Variants in PDZD2 observed in about 807,000 individuals in gnomAD.
PDZD2 encodes the protein PDZ domain containing 2, also known as PDZ domain-containing protein 2.
PDZD2 carries 90 observed loss-of-function variants against 220.7 expected under a neutral mutation model. The observed-to-expected ratio is 0.41, with a 90% CI of 0.34 to 0.49. The LOEUF (loss-of-function observed/expected upper bound fraction) is 0.49, where lower values mean the gene tolerates loss of function less well. Ranked by LOEUF, PDZD2 falls within the 20% of genes least tolerant of loss-of-function variation. The pLI, the probability that PDZD2 is intolerant of heterozygous loss-of-function variation, is 0.28. For synonymous variants in PDZD2, 1,375 were observed against 1,450.5 expected (o/e 0.95, Z 1.18); for missense variants, 3,174 against 3,608.5 (o/e 0.88, Z 3.08).
At chr5:32,025,435 G>A (rs1285297552) in intron 6 of PDZD2, among the ~76,000 whole-genome samples, 1 of 151,564 alleles carries the variant, frequency 6.6e-6, no homozygotes, top group Non-Finnish European at 1.5e-5. Context: ...TGAGGCAGGA[G>A]AATCACTTGA....
At position 32,057,964 on chromosome 5, in the gene PDZD2, G is replaced by C; in HGVS notation, c.2061G>C (p.Met687Ile). Residue 687 changes from methionine to isoleucine, a missense_variant, in exon 12 of 25, where the codon ATG becomes ATC. Met to Ile is a conservative substitution (Grantham distance 10). This residue lies in a region of PDZD2 where 1,861 missense variants were observed against 2,001.0 expected (regional missense o/e 0.93). Coordinates refer to ENST00000438447, the MANE Select transcript of PDZD2 (RefSeq NM_178140.4). The part of the protein sequence containing the change: ...SLTPCSTPTH[M>I]SRSASPNFNT... Reference sequence around the variant, plus strand: ...CACCCTGCTCGACACCCACACACATGAGCAGATCCGCCTCCCCGAACTTCA... The same window carrying C: ...CACCCTGCTCGACACCCACACACATCAGCAGATCCGCCTCCCCGAACTTCA... The C allele has an allele frequency of 6.2e-7, 1 of 1,613,952 alleles. No individual in the cohort carries two copies.
At chr5:32,002,698 A>C (rs866744775) in intron 5 of PDZD2, among the ~76,000 whole-genome samples, 1 of 123,090 alleles carries the variant, frequency 8.1e-6, no homozygotes. Context: ...CACCACACAC[A>C]CCACCAACAC....
intron 7 of PDZD2, 126 bp from the exon 8 acceptor site, chr5:32,048,413 G>A: frequency 1.4e-6 from 1 of 718,320 alleles, no homozygotes; most frequent in Non-Finnish European, 2.4e-6. Context: ...TGCTTTGAGT[G>A]TATTGGACGC....
At chr5:31,746,063 C>T (rs1750589328) in intron 1 of PDZD2, among the ~76,000 whole-genome samples, 1 of 151,952 alleles carries the variant, frequency 6.6e-6, no homozygotes, top group Admixed American at 6.6e-5. Context: ...AACTGTGGAG[C>T]TCTAGCTGGT....
rs573956644 is a variant in PDZD2 at position 31,733,978 on chromosome 5, T to G, written c.-360-64911T>G. Reference sequence around the variant, plus strand: ...TTAAGCGCACAGTCTCCCAAAGACTTTTCCCATTTCAGATACCAATATGAA... The same window carrying G: ...TTAAGCGCACAGTCTCCCAAAGACTGTTCCCATTTCAGATACCAATATGAA... On this transcript the variant is annotated intron_variant, in intron 1 of 24. Coordinates refer to ENST00000438447, the MANE Select transcript of PDZD2 (RefSeq NM_178140.4). 2.6e-5 allele frequency among the ~76,000 whole-genome samples: 4 copies of G among 152,318 alleles called. No individual in the cohort carries two copies. In the Middle Eastern group the frequency reaches 0.014, roughly 518 times the overall value.
chr5:31,969,776 A>G (rs1466308908), intron 2 of PDZD2, among the ~76,000 whole-genome samples: 4 of 152,126 alleles, frequency 2.6e-5, no homozygotes, highest in Non-Finnish European at 5.9e-5. Flanking sequence ...ATGCCTCAGT[A>G]AAGTCATCTT....
chr5:31,716,891 G>T (rs1748482297), intron 1 of PDZD2, among the ~76,000 whole-genome samples: 1 of 152,146 alleles, frequency 6.6e-6, no homozygotes, highest in South Asian at 2.1e-4. Flanking sequence ...TTAATACCTG[G>T]CCCTGGATGA....
At chr5:31,907,194 A>G (rs994782389) in intron 2 of PDZD2, among the ~76,000 whole-genome samples, 2 of 152,306 alleles carry the variant, frequency 1.3e-5, no homozygotes, top group African/African-American at 4.8e-5. Context: ...AATGATAGAC[A>G]TTTATTTTCT....
In PDZD2 at chr5:32,089,463, C is replaced by T. The variant is rs766718808; in HGVS notation, c.6015C>T (p.Val2005=). 2 of 1,613,854 alleles carry T rather than the reference C, an allele frequency of 1.2e-6. No homozygotes were observed. Among genetic ancestry groups the T allele is most frequent in the South Asian group, 2.2e-5 (2 of 91,088 alleles). ...QGMWSRFHMA[V]LSEPDRGCPT... Reference sequence around the variant, plus strand: ...TGTGGAGCAGGTTCCACATGGCTGTCCTCTCTGAACCCGACAGAGGTTGCC... The same window carrying T: ...TGTGGAGCAGGTTCCACATGGCTGTTCTCTCTGAACCCGACAGAGGTTGCC... The change falls in exon 20 of 25, where the codon GTC becomes GTT. Residue 2005 remains valine, a synonymous_variant. Transcript: ENST00000438447.
intron 1 of PDZD2, among the ~76,000 whole-genome samples, chr5:31,660,639 A>G (rs1467940715): frequency 6.6e-6 from 1 of 152,180 alleles, no homozygotes; most frequent in African/African-American, 2.4e-5. Flanking sequence ...CATGGGGGTA[A>G]CTGCTGCCAT....
At chr5:31,901,917 CAT>C (rs1390823214) in intron 2 of PDZD2, among the ~76,000 whole-genome samples, 2 of 152,216 alleles carry the variant, frequency 1.3e-5, no homozygotes, top group African/African-American at 4.8e-5. Context: ...TGTTCATACA[CAT>C]GTGACATCTG....
At chr5:32,060,270 ATGT>A (rs1739543371) in intron 13 of PDZD2, among the ~76,000 whole-genome samples, 2 of 152,206 alleles carry the variant, frequency 1.3e-5, no homozygotes, top group Non-Finnish European at 2.9e-5. Context: ...TCCCAAGATG[ATGT>A]TTCTTTCTTG....
Position 32,061,221 on chromosome 5 carries a change from G to C in PDZD2, c.2451+87G>C. The C allele has an allele frequency of 2.9e-6, 4 of 1,381,708 alleles. No homozygotes were observed. The South Asian group carries it at 5.0e-5, about 17-fold the overall frequency. 85.6% of individuals were successfully genotyped at this position (1,381,708 alleles called of 1,614,324 possible). A position where few individuals can be genotyped will look rare whatever the true frequency, so the allele number is the denominator to read the frequency against. ...ACTCTTTGGTGAGATGGTTTTCCCA[G>C]CTGGGGATAGGCAGGCAACCTACGG... On this transcript the variant is annotated intron_variant, in intron 14 of 24. Transcript: ENST00000438447.
chr5:32,049,477 GAGGGT>G (rs1738315074), intron 8 of PDZD2, among the ~76,000 whole-genome samples: 2 of 152,234 alleles, frequency 1.3e-5, no homozygotes, highest in Admixed American at 1.3e-4. Context: ...GAAAGCTGTA[GAGGGT>G]AGAGTTCTAA....
chr5:32,042,011 C>T (rs1202800916), intron 7 of PDZD2, among the ~76,000 whole-genome samples: 3 of 37,982 alleles, frequency 7.9e-5, no homozygotes, highest in South Asian at 1.5e-3. Context: ...GTCAGGAGAT[C>T]GAGACCATCC....
chr5:31,880,793 T>TTTTTTC (rs1554088332), intron 2 of PDZD2, among the ~76,000 whole-genome samples: 1,429 of 92,232 alleles, frequency 0.015, 17 homozygotes, highest in Non-Finnish European at 0.022. Flanking sequence ...TTTTTTTTCT[T>TTTTTTC]TTTTTTTTTT....
intron 7 of PDZD2, among the ~76,000 whole-genome samples, chr5:32,042,290 G>A (rs192202592): frequency 4.4e-4 from 66 of 151,492 alleles, no homozygotes; most frequent in African/African-American, 1.5e-3. Flanking sequence ...GGCCGGGCAT[G>A]GTGGCTCACG....
intron 2 of PDZD2, among the ~76,000 whole-genome samples, chr5:31,896,753 A>G (rs897026751): frequency 2.0e-5 from 3 of 152,236 alleles, no homozygotes; most frequent in African/African-American, 7.2e-5. Context: ...TGAGTTCAGG[A>G]GTTCGAGACC....
chr5:32,002,155 C>G (rs1752182372), intron 5 of PDZD2, among the ~76,000 whole-genome samples: 1 of 152,174 alleles, frequency 6.6e-6, no homozygotes, highest in African/African-American at 2.4e-5. Context: ...ATCTGCTTTC[C>G]TTTCTTTACA....
Sources: allele counts gnomAD v4.1 joint callset (sites outside exome capture counted in the v4.1 genomes callset), GRCh38; gene constraint gnomAD v4.1.1; regional missense constraint gnomAD v4.1.1; transcripts MANE v1.5; gene names NCBI Gene and HGNC (gene_info 2026-07-23, HGNC 2026-07-21).